Variants in CSMD3 observed in about 807,000 individuals in gnomAD.
CSMD3 encodes CUB and Sushi multiple domains 3, also known as CUB and sushi domain-containing protein 3.
In CSMD3, 177 loss-of-function variants were observed where a neutral mutation model predicts 435.2. The observed-to-expected ratio is 0.41, with a 90% confidence interval of 0.36 to 0.46. The LOEUF (loss-of-function observed/expected upper bound fraction) is 0.46. CSMD3 is among the 20% of genes least tolerant of loss of function. CSMD3 has a pLI of 0.34. For synonymous variants in CSMD3, 1,656 were observed against 1,520.5 expected (o/e 1.09, Z -2.07); for missense variants, 4,265 against 4,504.6 (o/e 0.95, Z 1.52).
chr8:112,579,053 C>T (rs1481289761), intron 23 of CSMD3, among the ~76,000 whole-genome samples: 1 of 151,948 alleles, frequency 6.6e-6, no homozygotes, highest in Non-Finnish European at 1.5e-5. Flanking sequence ...AACTGACAAA[C>T]AAGAGTATTT....
At chr8:112,599,991 C>T (rs1832172493) in intron 22 of CSMD3, among the ~76,000 whole-genome samples, 1 of 150,218 alleles carries the variant, frequency 6.7e-6, no homozygotes, top group African/African-American at 2.5e-5. Flanking sequence ...GCACAATGTG[C>T]ACATGTACCC....
intron 13 of CSMD3, among the ~76,000 whole-genome samples, chr8:112,747,645 C>G (rs1221666983): frequency 6.6e-6 from 1 of 152,046 alleles, no homozygotes; most frequent in Non-Finnish European, 1.5e-5. Flanking sequence ...GCATAGACCA[C>G]GAATAAACAT....
In CSMD3 at chr8:113,177,197, A is replaced by G. The variant is rs923640977; in HGVS notation, c.515-3281T>C. Among the ~76,000 whole-genome samples, 11 of 151,640 alleles carry G rather than the reference A, an allele frequency of 7.3e-5. 1 individual carries two copies. The Admixed American group carries it at 7.3e-4, about 10-fold the overall frequency. On this transcript the variant is annotated intron_variant, in intron 3 of 70. Transcript: ENST00000297405. ...TCAATGTGTTTTGAAGCAAATAATTATACCTAAAAGCAGAGTTGCAAAATA... is the reference window on the plus strand; with the variant it reads ...TCAATGTGTTTTGAAGCAAATAATTGTACCTAAAAGCAGAGTTGCAAAATA...
intron 10 of CSMD3, among the ~76,000 whole-genome samples, chr8:112,892,279 C>CT (rs995190335): frequency 6.0e-5 from 9 of 150,926 alleles, no homozygotes; most frequent in African/African-American, 1.9e-4. Context: ...AAAATTGTTC[C>CT]TTTTTTTTCA....
intron 22 of CSMD3, among the ~76,000 whole-genome samples, chr8:112,610,335 A>T (rs968868833): frequency 5.0e-5 from 5 of 99,802 alleles, no homozygotes; most frequent in East Asian, 2.7e-4. Flanking sequence ...AGCTAAAATT[A>T]AAAAAAAAAA....
chr8:113,247,464 G>C (rs1326908720), intron 3 of CSMD3, among the ~76,000 whole-genome samples: 2 of 152,132 alleles, frequency 1.3e-5, no homozygotes, highest in Admixed American at 1.3e-4. Flanking sequence ...AGTAGGGCAA[G>C]TTAATTCATC....
intron 4 of CSMD3, among the ~76,000 whole-genome samples, chr8:113,102,812 G>A (rs2090368397): frequency 6.6e-6 from 1 of 152,132 alleles, no homozygotes; most frequent in African/African-American, 2.4e-5. Flanking sequence ...GTCAGACCTT[G>A]CAGGACATTT....
chr8:112,858,153 C>T (rs1187220001), intron 11 of CSMD3, among the ~76,000 whole-genome samples: 2 of 151,454 alleles, frequency 1.3e-5, no homozygotes, highest in Non-Finnish European at 1.5e-5. Context: ...ACAAAAATTC[C>T]CGGGAGGCAA....
chr8:112,419,024 CA>C (rs1473223778), intron 32 of CSMD3, among the ~76,000 whole-genome samples: 1 of 152,044 alleles, frequency 6.6e-6, no homozygotes, highest in Non-Finnish European at 1.5e-5. Flanking sequence ...TTTCAAAATC[CA>C]AAATAATTGG....
At chr8:112,844,564 C>T (rs2080265514) in intron 11 of CSMD3, among the ~76,000 whole-genome samples, 1 of 151,976 alleles carries the variant, frequency 6.6e-6, no homozygotes, top group Non-Finnish European at 1.5e-5. Context: ...TTATTTATCA[C>T]TTCCCCCAAC....
chr8:113,210,256 G>A (rs1055814727), intron 3 of CSMD3, among the ~76,000 whole-genome samples: 3 of 151,838 alleles, frequency 2.0e-5, no homozygotes, highest in African/African-American at 2.4e-5. Flanking sequence ...TGAAGCCTTC[G>A]ATGAAATTAC....
chr8:113,241,931 T>C lies in CSMD3; in HGVS notation c.514+36661A>G, dbSNP rs543890371. On this transcript the variant is annotated intron_variant, in intron 3 of 70. Coordinates refer to ENST00000297405, the MANE Select transcript of CSMD3 (RefSeq NM_198123.2). ...CTATATTTGGTGTGCAAGAAAACTGTTTATATAAAAAATTACTATATATAT... is the reference window on the plus strand; with the variant it reads ...CTATATTTGGTGTGCAAGAAAACTGCTTATATAAAAAATTACTATATATAT... Among the ~76,000 whole-genome samples, 120 of 151,176 alleles carry C rather than the reference T, an allele frequency of 7.9e-4. 1 individual carries two copies. Among genetic ancestry groups the C allele is most frequent in the Non-Finnish European group, 1.4e-3 (93 of 67,736 alleles).
intron 4 of CSMD3, among the ~76,000 whole-genome samples, chr8:113,129,160 A>G (rs556276260): frequency 6.2e-4 from 94 of 152,256 alleles, no homozygotes; most frequent in Non-Finnish European, 1.2e-3. Flanking sequence ...TTTTACACAT[A>G]TTTTATGTTT....
At chr8:112,734,719 A>G (rs2077149278) in intron 13 of CSMD3, among the ~76,000 whole-genome samples, 1 of 151,934 alleles carries the variant, frequency 6.6e-6, no homozygotes, top group Non-Finnish European at 1.5e-5. Flanking sequence ...TTTGCTTTTT[A>G]TCTTTAAATA....
chr8:112,425,319 A>G (rs909165691), intron 32 of CSMD3, among the ~76,000 whole-genome samples: 11 of 152,096 alleles, frequency 7.2e-5, no homozygotes, highest in Admixed American at 4.6e-4. Flanking sequence ...CAAATTGTGA[A>G]CCCCAATTTT....
chr8:112,954,867 A>G (rs1170957498), intron 7 of CSMD3, 106 bp from the exon 8 acceptor site: 1 of 727,596 alleles, frequency 1.4e-6, no homozygotes, highest in Non-Finnish European at 2.4e-6. Context: ...TAAAGAAACC[A>G]CTTTCTTAAG....
chr8:112,554,307 C>A (rs1016440951), intron 25 of CSMD3, among the ~76,000 whole-genome samples: 1 of 151,880 alleles, frequency 6.6e-6, no homozygotes, highest in Non-Finnish European at 1.5e-5. Flanking sequence ...GGAATATTAC[C>A]TTTTATTGCA....
intron 53 of CSMD3, among the ~76,000 whole-genome samples, chr8:112,300,136 A>G (rs1277830945): frequency 6.8e-6 from 1 of 147,482 alleles, no homozygotes; most frequent in African/African-American, 2.4e-5. Context: ...ATTTTAATAT[A>G]TATTTAAATA....
At chr8:112,693,778 A>T (rs2076190998) in intron 13 of CSMD3, among the ~76,000 whole-genome samples, 1 of 151,888 alleles carries the variant, frequency 6.6e-6, no homozygotes, top group South Asian at 2.1e-4. Context: ...TTCATATTGA[A>T]TGTTGAAAAT....
Sources: allele counts gnomAD v4.1 joint callset (sites outside exome capture counted in the v4.1 genomes callset), GRCh38; gene constraint gnomAD v4.1.1; transcripts MANE v1.5; gene names NCBI Gene and HGNC (gene_info 2026-07-23, HGNC 2026-07-21).